DSCAML1: variants seen among roughly 807,000 people sequenced by gnomAD.
DSCAML1 encodes the protein cell adhesion molecule DSCAML1.
Under a neutral mutation model 200.5 loss-of-function variants are expected in DSCAML1, and 38 were observed. The ratio of observed to expected loss-of-function variants is 0.19; its 90% CI spans 0.15 to 0.25. The LOEUF (loss-of-function observed/expected upper bound fraction) is 0.25, where lower values mean the gene tolerates loss of function less well. Among genes scored for constraint, DSCAML1 ranks in the 10% least tolerant of loss-of-function variants. The pLI is 1.00. For synonymous variants in DSCAML1, 1,215 were observed against 1,165.0 expected (o/e 1.04, Z -0.87); for missense variants, 2,223 against 2,858.8 (o/e 0.78, Z 5.07).
chr11:117,656,311 C>T (rs576189667), intron 3 of DSCAML1, among the ~76,000 whole-genome samples: 28 of 152,304 alleles, frequency 1.8e-4, no homozygotes, highest in African/African-American at 6.7e-4. Context: ...CTGGCTCCAC[C>T]AGGTAACCCT....
intron 6 of DSCAML1, among the ~76,000 whole-genome samples, chr11:117,520,454 G>A (rs1017689555): frequency 1.3e-5 from 2 of 152,126 alleles, no homozygotes; most frequent in African/African-American, 4.8e-5. Flanking sequence ...TCCAGCCTCT[G>A]AAGACTCCTC....
intron 3 of DSCAML1, among the ~76,000 whole-genome samples, chr11:117,666,087 T>C (rs1242695863): frequency 6.6e-6 from 1 of 152,186 alleles, no homozygotes; most frequent in Admixed American, 6.5e-5. Context: ...AACCCTGTAA[T>C]GCTCCGAGGG....
intron 3 of DSCAML1, among the ~76,000 whole-genome samples, chr11:117,697,991 C>T (rs559555946): frequency 6.6e-6 from 1 of 152,080 alleles, no homozygotes; most frequent in Admixed American, 6.6e-5. Context: ...AGGATGGTCT[C>T]GATCTCTTGA....
At chr11:117,541,507 A>G (rs1053042012) in intron 3 of DSCAML1, among the ~76,000 whole-genome samples, 1 of 152,114 alleles carries the variant, frequency 6.6e-6, no homozygotes, top group Admixed American at 6.5e-5. Flanking sequence ...CCTGTTCCCA[A>G]TGTGCCCTGT....
At chr11:117,470,310 TC>T (rs2048658760) in intron 15 of DSCAML1, among the ~76,000 whole-genome samples, 1 of 152,186 alleles carries the variant, frequency 6.6e-6, no homozygotes, top group African/African-American at 2.4e-5. Flanking sequence ...GCGCGGTGGC[TC>T]ACACCTGTAA....
chr11:117,587,783 C>T (rs2051178939), intron 3 of DSCAML1, among the ~76,000 whole-genome samples: 1 of 152,170 alleles, frequency 6.6e-6, no homozygotes, highest in Non-Finnish European at 1.5e-5. Flanking sequence ...TCCATGCCTC[C>T]TCTTTGTCCC....
At chr11:117,652,793 C>G (rs11216485) in intron 3 of DSCAML1, among the ~76,000 whole-genome samples, 20,270 of 152,154 alleles carry the variant, frequency 0.13, 1,461 homozygotes, top group Admixed American at 0.21. Flanking sequence ...CCATTGCCAC[C>G]CCCTCAGCCC....
At chr11:117,517,877 G>GGC (rs1037220421) in intron 7 of DSCAML1, among the ~76,000 whole-genome samples, 28 of 152,352 alleles carry the variant, frequency 1.8e-4, no homozygotes, top group African/African-American at 6.3e-4. Flanking sequence ...CACTCTTGGA[G>GGC]GCTGCCTTCC....
chr11:117,810,531 T>C (rs915897765), intron 1 of DSCAML1, among the ~76,000 whole-genome samples: 2 of 152,160 alleles, frequency 1.3e-5, no homozygotes, highest in Non-Finnish European at 2.9e-5. Flanking sequence ...CTCTTTTCTC[T>C]AGGCTTGCCT....
chr11:117,632,870 A>T (rs2052203003), intron 3 of DSCAML1, among the ~76,000 whole-genome samples: 1 of 152,156 alleles, frequency 6.6e-6, no homozygotes, highest in South Asian at 2.1e-4. Context: ...TCTCAATAAA[A>T]CTAAGAGGAG....
chr11:117,720,045 A>G (rs1003292413), intron 3 of DSCAML1, among the ~76,000 whole-genome samples: 3 of 152,118 alleles, frequency 2.0e-5, no homozygotes, highest in African/African-American at 7.2e-5. Context: ...TCAAGTCTCA[A>G]TCAATTAGTC....
At chr11:117,599,429 G>A (rs76752629) in intron 3 of DSCAML1, among the ~76,000 whole-genome samples, 446 of 152,116 alleles carry the variant, frequency 2.9e-3, no homozygotes, top group Middle Eastern at 0.014. Context: ...TAGACACTTC[G>A]AAATCTTCTA....
chr11:117,654,710 A>G (rs1273228891), intron 3 of DSCAML1, among the ~76,000 whole-genome samples: 1 of 152,078 alleles, frequency 6.6e-6, no homozygotes, highest in Non-Finnish European at 1.5e-5. Context: ...ATTGGAAGAG[A>G]CCTAAGAGAT....
At chr11:117,684,434 CTAAA>C (rs1469457444) in intron 3 of DSCAML1, among the ~76,000 whole-genome samples, 3 of 50,294 alleles carry the variant, frequency 6.0e-5, no homozygotes, top group Admixed American at 2.1e-4. Context: ...ATTTCATTAA[CTAAA>C]AAAAAAAAAA....
At chr11:117,728,214 T>C (rs998511551) in intron 3 of DSCAML1, among the ~76,000 whole-genome samples, 10 of 152,252 alleles carry the variant, frequency 6.6e-5, no homozygotes, top group African/African-American at 2.2e-4. Context: ...AAAAAAGCAT[T>C]TGACAAAATT....
chr11:117,474,903 T>C (rs369581660), intron 14 of DSCAML1, among the ~76,000 whole-genome samples: 296 of 152,192 alleles, frequency 1.9e-3, no homozygotes, highest in Middle Eastern at 3.4e-3. Context: ...TACAGGCGCA[T>C]GCCACCACAC....
intron 19 of DSCAML1, among the ~76,000 whole-genome samples, chr11:117,453,139 T>A (rs564955156): frequency 1.3e-5 from 2 of 152,188 alleles, no homozygotes; most frequent in Non-Finnish European, 2.9e-5. Flanking sequence ...TTCACCATGT[T>A]GGCCAGGCTG....
At position 117,505,523 on chromosome 11, in the gene DSCAML1, C is replaced by T; in HGVS notation, c.1993G>A (p.Gly665Ser). The T allele has an allele frequency of 6.2e-7, 1 of 1,613,390 alleles. No homozygotes were observed. The change falls in exon 9 of 33, where the codon GGC (glycine) becomes AGC (serine). Residue 665 changes from glycine (G) to serine (S), a missense_variant. Around this residue, in one of 7 missense-constraint regions of DSCAML1, gnomAD observed 212 missense variants for 368.0 expected, o/e 0.58. Transcript: ENST00000651296. The surrounding 1 kb of genome is among the most constrained non-coding windows in gnomAD (Gnocchi z 6.7). ...TTGCTGGCGATGCATGTATAGTTGC[C>T]GTTGTGCTTGAGGGAGACGCTAGAG... ...QISSVSLKHNGNYTCIASNAA... is the reference protein window; with the variant it reads ...QISSVSLKHNSNYTCIASNAA...
intron 11 of DSCAML1, among the ~76,000 whole-genome samples, chr11:117,502,852 C>A (rs536707482): frequency 1.3e-5 from 2 of 152,142 alleles, no homozygotes; most frequent in East Asian, 1.9e-4. Flanking sequence ...CCCAACCCCC[C>A]GCTCATAGTG....
Sources: gnomAD v4.1 joint callset for allele counts (sites outside exome capture counted in the v4.1 genomes callset) on GRCh38, gnomAD v4.1.1 for gene constraint, gnomAD v4.1.1 regional missense constraint, Gnocchi (gnomAD v3.1) non-coding constraint, MANE v1.5 for transcripts, NCBI Gene and HGNC (gene_info 2026-07-23, HGNC 2026-07-21) for gene names.